The following FMN2 variants were observed in gnomAD, a reference collection of about 807,000 sequenced individuals.
FMN2 encodes the protein formin-2.
In FMN2, 51 loss-of-function variants were observed where a neutral mutation model predicts 142.3. The ratio of observed to expected loss-of-function variants is 0.36; its 90% confidence interval spans 0.29 to 0.45. The LOEUF (loss-of-function observed/expected upper bound fraction) is 0.45. Ranked by LOEUF, FMN2 falls within the 20% of genes least tolerant of loss-of-function variation. The pLI is 1.00. For synonymous variants in FMN2, 882 were observed against 869.8 expected (o/e 1.01, Z -0.25); for missense variants, 1,936 against 2,122.8 (o/e 0.91, Z 1.73).
At position 240,365,146 on chromosome 1, in the gene FMN2, G is replaced by T. The variant is rs538987470; in HGVS notation, c.4858+9238G>T. 1.3e-3 allele frequency among the ~76,000 whole-genome samples: 195 copies of T among 148,080 alleles called. 2 individuals carry two copies. Among genetic ancestry groups the T allele is most frequent in the African/African-American group, 5.0e-3 (189 of 37,962 alleles). The stretch of plus-strand genomic sequence containing the variant: ...GCATGTATGTGCATATATAGATATA[G>T]ATATATACACATATACATACATACA... On this transcript the variant is annotated intron_variant, in intron 14 of 17. Transcript: ENST00000319653.
intron 15 of FMN2, among the ~76,000 whole-genome samples, chr1:240,421,082 G>T (rs1028547158): frequency 1.3e-5 from 2 of 152,160 alleles, no homozygotes; most frequent in Admixed American, 1.3e-4. Flanking sequence ...CCCCTTTAGA[G>T]GAGTCTTGTG....
At chr1:240,240,440 CAATA>C (rs894432353) in intron 6 of FMN2, among the ~76,000 whole-genome samples, 12 of 152,174 alleles carry the variant, frequency 7.9e-5, no homozygotes, top group Non-Finnish European at 1.5e-4. Flanking sequence ...CACATGGTCT[CAATA>C]AGAGTCTTTT....
chr1:240,191,859 T>A (rs1665712579), intron 4 of FMN2, among the ~76,000 whole-genome samples: 1 of 152,220 alleles, frequency 6.6e-6, no homozygotes, highest in Admixed American at 6.5e-5. Flanking sequence ...ACATTTTGAT[T>A]TTTAAAAACT....
In FMN2 at chr1:240,092,813, C is replaced by T. The variant is rs1441735830; in HGVS notation, c.704C>T (p.Pro235Leu). 1.3e-6 allele frequency: 2 copies of T among 1,578,214 alleles called. No individual in the cohort carries two copies. Among genetic ancestry groups the T allele is most frequent in the Non-Finnish European group, 1.7e-6 (2 of 1,163,030 alleles). ...CAGGGCGCCGAGGAGCCTGCAGCGC[C>T]CCCCACTGCCGTCTCCCCTCAGCCC... ...QLQGAEEPAA[P>L]PTAVSPQPGA... Residue 235 changes from proline (P) to leucine (L), a missense_variant, in exon 1 of 18, where the codon CCC becomes CTC. Coordinates refer to ENST00000319653, the MANE Select transcript of FMN2 (RefSeq NM_020066.5).
At chr1:240,113,391 C>T (rs973047179) in intron 1 of FMN2, among the ~76,000 whole-genome samples, 1 of 151,728 alleles carries the variant, frequency 6.6e-6, no homozygotes, top group Non-Finnish European at 1.5e-5. Context: ...TGGTGAAACC[C>T]CATCTCTACT....
chr1:240,188,198 C>G lies in FMN2; in HGVS notation c.1931-9C>G. ...AAGATACTGACTGTCTGCTTCCTTT[C>G]CAATCTAGAATCTCAATCTGCTGTT... On this transcript the variant is annotated splice_polypyrimidine_tract_variant and intron_variant, in intron 3 of 17. Coordinates refer to ENST00000319653, the MANE Select transcript of FMN2 (RefSeq NM_020066.5). 6.2e-7 allele frequency: 1 copy of G among 1,613,566 alleles called. No individual in the cohort carries two copies. Among genetic ancestry groups the G allele is most frequent in the Non-Finnish European group, 8.5e-7 (1 of 1,179,724 alleles).
intron 2 of FMN2, among the ~76,000 whole-genome samples, chr1:240,172,205 C>CACACACACAG (rs1664730867): frequency 6.6e-6 from 1 of 150,962 alleles, no homozygotes; most frequent in Admixed American, 6.6e-5. Flanking sequence ...TACACATACA[C>CACACACACAG]ACACACACAC....
chr1:240,234,605 C>T (rs1265019697), intron 6 of FMN2, among the ~76,000 whole-genome samples: 2 of 152,108 alleles, frequency 1.3e-5, no homozygotes, highest in African/African-American at 2.4e-5. Flanking sequence ...ATGATTTCTG[C>T]TTTAGGAGAT....
At chr1:240,354,800 A>G (rs1386757712) in intron 13 of FMN2, among the ~76,000 whole-genome samples, 1 of 152,206 alleles carries the variant, frequency 6.6e-6, no homozygotes, top group Non-Finnish European at 1.5e-5. Context: ...CCTGGGAGAA[A>G]TGGCAACCTT....
At chr1:240,425,498 T>C (rs1433955096) in intron 15 of FMN2, among the ~76,000 whole-genome samples, 2 of 152,200 alleles carry the variant, frequency 1.3e-5, no homozygotes, top group African/African-American at 4.8e-5. Flanking sequence ...TCTTTTTTTC[T>C]ATACTCAGAA....
chr1:240,197,573 A>G (rs1421426545), intron 4 of FMN2, among the ~76,000 whole-genome samples: 1 of 152,118 alleles, frequency 6.6e-6, no homozygotes, highest in Non-Finnish European at 1.5e-5. Context: ...ATTGATTTGA[A>G]TTAGAGGACA....
At position 240,139,497 on chromosome 1, in the gene FMN2, A is replaced by G. The variant is rs376180260; in HGVS notation, c.1782+16152A>G. Among the ~76,000 whole-genome samples the G allele has an allele frequency of 3.7e-4, 56 of 152,240 alleles. 2 individuals carry two copies. In the East Asian group the frequency reaches 8.3e-3, roughly 23 times the overall value. The stretch of plus-strand genomic sequence containing the variant: ...GGAAAGTGCCAGTAGAATGGGAAGC[A>G]AGAAGAGACTGACGTATAGATAAAT... On this transcript the variant is annotated intron_variant, in intron 2 of 17. Transcript: ENST00000319653.
intron 7 of FMN2, among the ~76,000 whole-genome samples, chr1:240,271,791 T>C (rs1669027737): frequency 6.6e-6 from 1 of 152,142 alleles, no homozygotes; most frequent in South Asian, 2.1e-4. Context: ...ATTTAAAATA[T>C]AAGTTCATTA....
At chr1:240,211,952 G>A (rs1666705221) in intron 6 of FMN2, among the ~76,000 whole-genome samples, 1 of 152,146 alleles carries the variant, frequency 6.6e-6, no homozygotes, top group Admixed American at 6.5e-5. Flanking sequence ...ACTCCAGATA[G>A]AAAGAATTGC....
At chr1:240,340,244 C>G (rs886997721) in intron 13 of FMN2, among the ~76,000 whole-genome samples, 10 of 152,114 alleles carry the variant, frequency 6.6e-5, no homozygotes, top group African/African-American at 2.4e-4. Flanking sequence ...TTCCTCCCCC[C>G]TCCACATTTG....
At chr1:240,280,555 C>G (rs1043600774) in intron 7 of FMN2, among the ~76,000 whole-genome samples, 1 of 152,142 alleles carries the variant, frequency 6.6e-6, no homozygotes, top group Non-Finnish European at 1.5e-5. Flanking sequence ...TCCAGGGGAA[C>G]TCACTAAGCC....
chr1:240,366,993 G>A (rs1266758669), intron 14 of FMN2, among the ~76,000 whole-genome samples: 1 of 152,142 alleles, frequency 6.6e-6, no homozygotes, highest in Non-Finnish European at 1.5e-5. Flanking sequence ...TTCTGCCTCG[G>A]AGGTAAAGTC....
intron 1 of FMN2, among the ~76,000 whole-genome samples, chr1:240,098,258 C>T (rs926964456): frequency 6.6e-6 from 1 of 151,908 alleles, no homozygotes; most frequent in Non-Finnish European, 1.5e-5. Context: ...CCCATGACCA[C>T]ACCCAGCTAA....
At chr1:240,241,187 C>T (rs561715572) in intron 6 of FMN2, among the ~76,000 whole-genome samples, 31 of 149,002 alleles carry the variant, frequency 2.1e-4, no homozygotes, top group Admixed American at 4.0e-4. Context: ...GTTTCTTCAT[C>T]GGTTTGTTTG....
Sources: allele counts gnomAD v4.1 joint callset (sites outside exome capture counted in the v4.1 genomes callset), GRCh38; gene constraint gnomAD v4.1.1; transcripts MANE v1.5; gene names NCBI Gene and HGNC (gene_info 2026-07-23, HGNC 2026-07-21).